PARP14: variants seen among roughly 807,000 people sequenced by gnomAD.
PARP14 encodes the protein protein mono-ADP-ribosyltransferase PARP14.
PARP14 carries 59 observed loss-of-function variants against 154.2 expected under a neutral mutation model. That is an observed-to-expected ratio of 0.38 (90% CI 0.31 to 0.48). The LOEUF (loss-of-function observed/expected upper bound fraction) is 0.48, where lower values mean the gene tolerates loss of function less well. Ranked by LOEUF, PARP14 falls within the 20% of genes least tolerant of loss-of-function variation. The pLI, the probability that PARP14 is intolerant of heterozygous loss-of-function variation, is 0.98. For synonymous variants in PARP14, 720 were observed against 780.5 expected (o/e 0.92, Z 1.29); for missense variants, 1,734 against 2,131.6 (o/e 0.81, Z 3.67).
rs760408944 is a variant in PARP14, at chr3:122,704,718, G to T, written c.3510G>T (p.Leu1170=). ...AAACTTTACAAGAGGTTCACTTTCT[G>T]CTGCACCCGAGTGATCATGAAAATA... ...QLKTLQEVHF[L]LHPSDHENIQ... The change falls in exon 8 of 17, where the codon CTG becomes CTT. Residue 1170 remains leucine (L), a synonymous_variant. Transcript: ENST00000474629. 1.6e-5 allele frequency: 25 copies of T among 1,602,724 alleles called. No individual in the cohort carries two copies. In the South Asian group the frequency reaches 2.6e-4, roughly 17 times the overall value.
At chr3:122,688,745 C>T (rs752431556) in intron 3 of PARP14, among the ~76,000 whole-genome samples, 4 of 152,104 alleles carry the variant, frequency 2.6e-5, no homozygotes, top group East Asian at 1.9e-4. Context: ...ACGTACTCTC[C>T]GGACAATGAA....
Position 122,718,155 on chromosome 3 carries a change from CTG to C in PARP14, c.4088_4089del (p.Val1363GlufsTer4), listed in dbSNP as rs1933045653. The C allele has an allele frequency of 2.5e-6, 4 of 1,613,682 alleles. No individual in the cohort carries two copies. Among genetic ancestry groups the C allele is most frequent in the Non-Finnish European group, 3.4e-6 (4 of 1,179,722 alleles). ...TTTGTCCAGAAAGGATCAGCCCAGT[CTG>C]TGAAAAAAGTTAAAGTTGTTATCTT... On this transcript the variant is annotated frameshift_variant, in exon 13 of 17. Coordinates refer to ENST00000474629, the MANE Select transcript of PARP14 (RefSeq NM_017554.3). LOFTEE classifies it high-confidence loss of function.
At chr3:122,695,046 A>G (rs1451342803) in intron 4 of PARP14, among the ~76,000 whole-genome samples, 2 of 152,242 alleles carry the variant, frequency 1.3e-5, no homozygotes, top group Non-Finnish European at 2.9e-5. Flanking sequence ...TTCGAGTCAC[A>G]TCACCAAGGG....
intron 14 of PARP14, 74 bp from the exon 15 acceptor site, chr3:122,720,181 C>A: frequency 1.4e-6 from 2 of 1,438,648 alleles, no homozygotes; most frequent in Non-Finnish European, 1.9e-6. Flanking sequence ...GATAGTAAAA[C>A]AAGAACACAG....
chr3:122,685,550 A>C (rs34110650), intron 2 of PARP14, among the ~76,000 whole-genome samples: 26,537 of 150,520 alleles, frequency 0.18, 2,428 homozygotes, highest in Admixed American at 0.21. Context: ...CGCTCTGTCA[A>C]CCAGGCTGGA....
In PARP14 at chr3:122,700,682, A is replaced by T. The variant is rs200853460; in HGVS notation, c.2128A>T (p.Asn710Tyr). 1 of 1,610,124 alleles carries T rather than the reference A, an allele frequency of 6.2e-7. No individual in the cohort carries two copies. Among genetic ancestry groups the T allele is most frequent in the East Asian group, 2.2e-5 (1 of 44,856 alleles). Residue 710 changes from asparagine to tyrosine, a missense_variant, in exon 6 of 17, where the codon AAC becomes TAC. This residue lies in a region of PARP14 where 1,646 missense variants were observed against 1,976.0 expected (regional missense o/e 0.83). Transcript: ENST00000474629. ...TGTGCAGGTAAGTTTCAATCCTGAGAACAAACAAAAAGGCATTTTACTAAC... is the reference window on the plus strand; with the variant it reads ...TGTGCAGGTAAGTTTCAATCCTGAGTACAAACAAAAAGGCATTTTACTAAC... ...VNVQVSFNPE[N>Y]KQKGILLTGS...
Position 122,729,101 on chromosome 3 carries a change from T to C in PARP14, c.*504T>C, listed in dbSNP as rs1047723694. ...TGCCTGATGTACAACGGATACTCCA[T>C]AAATGTTTGACAAACCAACGAAGAA... On this transcript the variant is annotated 3_prime_UTR_variant, in exon 17 of 17. Transcript: ENST00000474629. The C allele has an allele frequency of 6.5e-6, 1 of 153,140 alleles. No individual in the cohort carries two copies. The highest frequency in any genetic ancestry group is 2.4e-5 in the African/African-American group (1 of 41,462). The allele number at this position is 153,140 out of a possible 1,614,324, so 9.5% of individuals were successfully genotyped here. A position where few individuals can be genotyped will look rare whatever the true frequency, so the allele number is the denominator to read the frequency against.
chr3:122,719,992 T>C (rs183381694), intron 14 of PARP14, among the ~76,000 whole-genome samples: 2 of 152,310 alleles, frequency 1.3e-5, no homozygotes, highest in African/African-American at 4.8e-5. Context: ...TGATCCAAAC[T>C]TAGGAGGCAG....
intron 12 of PARP14, among the ~76,000 whole-genome samples, chr3:122,716,656 T>C (rs935377147): frequency 1.3e-5 from 2 of 152,156 alleles, no homozygotes; most frequent in African/African-American, 4.8e-5. Context: ...TCAATCCCTA[T>C]TCTTCATTCT....
At chr3:122,715,648 A>G (rs1047023177) in intron 12 of PARP14, among the ~76,000 whole-genome samples, 2 of 137,194 alleles carry the variant, frequency 1.5e-5, no homozygotes, top group African/African-American at 5.3e-5. Context: ...CTATCTATCT[A>G]TCTATCGATC....
At position 122,700,183 on chromosome 3, in the gene PARP14, T is replaced by C. The variant is rs1938909454; in HGVS notation, c.1629T>C (p.Phe543=). 6.2e-7 allele frequency: 1 copy of C among 1,612,528 alleles called. No individual in the cohort carries two copies. The highest frequency in any genetic ancestry group is 1.7e-5 in the Admixed American group (1 of 59,762). ...QKNIQVSPEI[F]QFLQQVNWKE... is the part of the protein sequence containing the mutation. ...ACATTCAGGTTTCTCCTGAGATTTT[T>C]CAGTTTTTGCAACAGGTAAACTGGA... Residue 543 remains phenylalanine (F), a synonymous_variant, in exon 6 of 17, where the codon TTT becomes TTC. Coordinates refer to ENST00000474629, the MANE Select transcript of PARP14 (RefSeq NM_017554.3).
intron 2 of PARP14, chr3:122,686,837 C>T (rs1466305590): frequency 2.1e-6 from 1 of 467,110 alleles, no homozygotes; most frequent in Non-Finnish European, 3.8e-6. Context: ...ACCTCATATT[C>T]CCAAATGCTT....
At chr3:122,712,691 C>G (rs546877725) in intron 9 of PARP14, among the ~76,000 whole-genome samples, 1 of 152,092 alleles carries the variant, frequency 6.6e-6, no homozygotes, top group Admixed American at 6.6e-5. Context: ...GTAGCTGGGA[C>G]TACAGTTGTG....
At position 122,691,014 on chromosome 3, in the gene PARP14, G is replaced by A. The variant is rs115210768; in HGVS notation, c.356-1287G>A. ...TATTAAGGATATTTATATTGGCCAG[G>A]CCTGAAGGTGGAATTCACTTCCACC... On this transcript the variant is annotated intron_variant, in intron 3 of 16. Coordinates refer to ENST00000474629, the MANE Select transcript of PARP14 (RefSeq NM_017554.3). Among the ~76,000 whole-genome samples, 1,327 of 152,240 alleles carry A rather than the reference G, an allele frequency of 8.7e-3. 19 individuals carry two copies. Among genetic ancestry groups the A allele is most frequent in the Non-Finnish European group, 8.6e-3 (583 of 68,020 alleles).
At chr3:122,689,458 T>C (rs1938473744) in intron 3 of PARP14, among the ~76,000 whole-genome samples, 1 of 152,110 alleles carries the variant, frequency 6.6e-6, no homozygotes, top group Non-Finnish European at 1.5e-5. Flanking sequence ...ATAACATGCA[T>C]TACCATGCCC....
chr3:122,694,223 C>T (rs1204759427), intron 4 of PARP14, among the ~76,000 whole-genome samples: 1 of 152,202 alleles, frequency 6.6e-6, no homozygotes, highest in African/African-American at 2.4e-5. Flanking sequence ...GTGGCTTGGT[C>T]TTGCTTCTGT....
At chr3:122,721,207 T>C (rs1357713275) in intron 15 of PARP14, 2 of 260,120 alleles carry the variant, frequency 7.7e-6, no homozygotes, top group Non-Finnish European at 1.5e-5. Flanking sequence ...ATTCAACTAT[T>C]AGTTCAATGT....
chr3:122,707,014 C>T (rs1169043278), intron 8 of PARP14, among the ~76,000 whole-genome samples: 1 of 152,184 alleles, frequency 6.6e-6, no homozygotes, highest in Non-Finnish European at 1.5e-5. Flanking sequence ...TTTGCTTTGA[C>T]TGACCATTAT....
chr3:122,685,313 A>C lies in PARP14; in HGVS notation c.316A>C (p.Thr106Pro). The C allele has an allele frequency of 1.9e-6, 3 of 1,613,702 alleles. No homozygotes were observed. The highest frequency in any genetic ancestry group is 2.5e-6 in the Non-Finnish European group (3 of 1,179,824). ...TCATGTCTTTGAAGAGGAACTTCTA[A>C]CAAAAGCAAGTAAACTTTAGGCATG... ...IDHVFEEELL[T>P]KESKTKEDVK... Residue 106 changes from threonine to proline, a missense_variant, in exon 2 of 17, where the codon ACA becomes CCA. By Grantham distance (38) the Thr-to-Pro change is conservative. This residue lies in a region of PARP14 where 1,646 missense variants were observed against 1,976.0 expected (regional missense o/e 0.83). Transcript: ENST00000474629.
Sources: gnomAD v4.1 joint callset for allele counts (sites outside exome capture counted in the v4.1 genomes callset) on GRCh38, gnomAD v4.1.1 for gene constraint, gnomAD v4.1.1 regional missense constraint, MANE v1.5 for transcripts, NCBI Gene and HGNC (gene_info 2026-07-23, HGNC 2026-07-21) for gene names.